Variants in RNF138 observed in about 807,000 individuals in gnomAD.
The protein encoded by RNF138 is ring finger protein 138, also known as E3 ubiquitin-protein ligase RNF138.
A neutral mutation model predicts 31.0 loss-of-function variants in RNF138; 12 were observed. That is an observed-to-expected ratio of 0.39 (90% confidence interval 0.25 to 0.63). RNF138 has a LOEUF of 0.63. Ranked by LOEUF, RNF138 falls within the 20% of genes least tolerant of loss-of-function variation. The pLI, the probability that RNF138 is intolerant of heterozygous loss-of-function variation, is 0.52. For synonymous variants in RNF138, 105 were observed against 99.5 expected, an observed-to-expected ratio of 1.06 and a Z score of -0.33; for missense variants, 192 against 300.1, an observed-to-expected ratio of 0.64 and a Z score of 2.66.
chr18:32,114,086 T>TA, intron 4 of RNF138: 1 of 336,700 alleles, frequency 3.0e-6, no homozygotes, highest in Non-Finnish European at 5.3e-6. Flanking sequence ...TTATGTTATT[T>TA]AAAATCATTC....
At chr18:32,094,588 G>T (rs1213024390) in intron 2 of RNF138, among the ~76,000 whole-genome samples, 2 of 151,758 alleles carry the variant, frequency 1.3e-5, no homozygotes, top group Non-Finnish European at 2.9e-5. Context: ...TACAGGGTCA[G>T]CACATTACCC....
At chr18:32,119,410 CATTTT>C (rs1366016424) in intron 4 of RNF138, among the ~76,000 whole-genome samples, 8 of 151,872 alleles carry the variant, frequency 5.3e-5, no homozygotes, top group South Asian at 2.1e-4. Context: ...GCCTCTTTCT[CATTTT>C]ATTTTATTTT....
intron 4 of RNF138, among the ~76,000 whole-genome samples, chr18:32,121,042 C>T (rs550269950): frequency 1.3e-5 from 2 of 150,054 alleles, no homozygotes; most frequent in South Asian, 4.2e-4. Flanking sequence ...GGCTGAGGCA[C>T]GAGAATCACT....
At chr18:32,100,310 G>C (rs918260283) in intron 2 of RNF138, among the ~76,000 whole-genome samples, 1 of 151,182 alleles carries the variant, frequency 6.6e-6, no homozygotes, top group Non-Finnish European at 1.5e-5. Context: ...ATATATATTT[G>C]AGACAGGGTC....
intron 2 of RNF138, among the ~76,000 whole-genome samples, chr18:32,098,267 A>G (rs558344445): frequency 2.0e-4 from 31 of 152,076 alleles, no homozygotes; most frequent in African/African-American, 6.7e-4. Flanking sequence ...TGGCCTCCCA[A>G]AGTGCTAGGA....
intron 2 of RNF138, among the ~76,000 whole-genome samples, chr18:32,107,510 TTTTGTTTGTTTG>T (rs149799964): frequency 6.6e-6 from 1 of 150,612 alleles, no homozygotes; most frequent in Non-Finnish European, 1.5e-5. Flanking sequence ...TAATTTAGTT[TTTTGTTTGTTTG>T]TTTGTTTGTT....
intron 2 of RNF138, among the ~76,000 whole-genome samples, chr18:32,095,264 C>T (rs75950558): frequency 0.02 from 3,087 of 152,136 alleles, 97 homozygotes; most frequent in African/African-American, 0.07. Context: ...TGACCTCCCC[C>T]GTTGGAGCAA....
In RNF138 at chr18:32,105,804, C is replaced by T. The variant is rs11081744; in HGVS notation, c.111-5950C>T. 1.6e-4 allele frequency among the ~76,000 whole-genome samples: 25 copies of T among 152,270 alleles called. No individual in the cohort carries two copies. The East Asian group carries it at 4.6e-3, about 28-fold the overall frequency. On this transcript the variant is annotated intron_variant, in intron 2 of 7. Transcript: ENST00000261593. ...TAAAGACAAATGATGGACTGAATGT[C>T]GTCTGTTCTACTTGCTGCAACAGAT... is the stretch of plus-strand genomic sequence containing the variant.
intron 3 of RNF138, 25 bp from the exon 4 acceptor site, chr18:32,113,718 TAA>T: frequency 9.3e-7 from 1 of 1,077,322 alleles, no homozygotes; most frequent in Non-Finnish European, 1.3e-6. Flanking sequence ...TATTTTAAAT[TAA>T]AAGTCACATT....
intron 4 of RNF138, among the ~76,000 whole-genome samples, chr18:32,117,712 G>T (rs983022405): frequency 6.6e-6 from 1 of 152,160 alleles, no homozygotes; most frequent in South Asian, 2.1e-4. Context: ...ATATCATTCA[G>T]AGTAGTACTG....
At chr18:32,093,142 C>G (rs1342722532) in intron 2 of RNF138, among the ~76,000 whole-genome samples, 1 of 152,082 alleles carries the variant, frequency 6.6e-6, no homozygotes, top group Non-Finnish European at 1.5e-5. Context: ...CCCGCTCTCC[C>G]GCTCTCCCTG....
Position 32,107,391 on chromosome 18 carries a change from G to A in RNF138, c.111-4363G>A, listed in dbSNP as rs139509794. On this transcript the variant is annotated intron_variant, in intron 2 of 7. Transcript: ENST00000261593. ...CCTCCTCGGCCTCCCAAAATGCTGG[G>A]ATTACAGGTGTGAGCCACTGTACCT... Among the ~76,000 whole-genome samples, 1,167 of 151,868 alleles carry A rather than the reference G, an allele frequency of 7.7e-3. 6 individuals are homozygous for A. The highest frequency in any genetic ancestry group is 0.013 in the Non-Finnish European group (858 of 67,950).
rs2039699994 is a variant in RNF138, at chr18:32,092,110, C to G, written c.-203C>G. On this transcript the variant is annotated 5_prime_UTR_variant, in exon 1 of 8. Coordinates refer to ENST00000261593, the MANE Select transcript of RNF138 (RefSeq NM_016271.5). ...ACAGCGCACGCCGCCCTCCATTTGC[C>G]CCGGGGCCTCGGCTGCGAAGATAGC... 1 of 152,846 alleles carries G rather than the reference C, an allele frequency of 6.5e-6. No homozygotes were observed. The highest frequency in any genetic ancestry group is 6.5e-5 in the Admixed American group (1 of 15,296). 9.5% of individuals were successfully genotyped at this position (152,846 alleles called of 1,614,324 possible).
At chr18:32,098,778 G>A (rs1424027742) in intron 2 of RNF138, among the ~76,000 whole-genome samples, 1 of 151,564 alleles carries the variant, frequency 6.6e-6, no homozygotes, top group Non-Finnish European at 1.5e-5. Flanking sequence ...GCATGAACCC[G>A]GGAGGTGGAG....
intron 2 of RNF138, among the ~76,000 whole-genome samples, chr18:32,107,137 T>TTG (rs397976466): frequency 6.8e-6 from 1 of 147,170 alleles, no homozygotes; most frequent in Admixed American, 6.8e-5. Flanking sequence ...TTTTTTTTTT[T>TTG]GGAGACGGAA....
chr18:32,101,745 A>T (rs561946568), intron 2 of RNF138, among the ~76,000 whole-genome samples: 4 of 152,274 alleles, frequency 2.6e-5, no homozygotes, highest in Admixed American at 2.6e-4. Context: ...TATATTTGTA[A>T]TCCATCATCT....
intron 2 of RNF138, among the ~76,000 whole-genome samples, chr18:32,104,936 T>C (rs1023028487): frequency 2.0e-5 from 3 of 152,030 alleles, no homozygotes; most frequent in Admixed American, 6.6e-5. Flanking sequence ...TAAGAAAATA[T>C]TTGAAAAAGA....
chr18:32,115,048 A>G lies in RNF138; in HGVS notation c.392+1188A>G, dbSNP rs116112404. ...AGTCCTTCTGGGTTTCTTCATTTCT[A>G]TGTTTTTCTTATTGTTGTACTTCTA... is the stretch of plus-strand genomic sequence containing the variant. On this transcript the variant is annotated intron_variant, in intron 4 of 7. Coordinates refer to ENST00000261593, the MANE Select transcript of RNF138 (RefSeq NM_016271.5). 1.4e-3 allele frequency among the ~76,000 whole-genome samples: 210 copies of G among 151,710 alleles called. 1 individual carries two copies. Among genetic ancestry groups the G allele is most frequent in the African/African-American group, 4.6e-3 (192 of 41,358 alleles).
At chr18:32,107,116 C>CTTTTT (rs58774714) in intron 2 of RNF138, among the ~76,000 whole-genome samples, 16 of 100,590 alleles carry the variant, frequency 1.6e-4, no homozygotes, top group East Asian at 6.0e-4. Context: ...TCCTTTTTTC[C>CTTTTT]TTTTTTTTTT....
Sources: gnomAD v4.1 joint callset for allele counts (sites outside exome capture counted in the v4.1 genomes callset) on GRCh38, gnomAD v4.1.1 for gene constraint, MANE v1.5 for transcripts, NCBI Gene and HGNC (gene_info 2026-07-23, HGNC 2026-07-21) for gene names.